Variants in FAM81A observed in about 807,000 individuals in gnomAD.
FAM81A encodes family with sequence similarity 81 member A, also known as protein FAM81A.
A neutral mutation model predicts 46.7 loss-of-function variants in FAM81A; 19 were observed. The ratio of observed to expected loss-of-function variants is 0.41; its 90% CI spans 0.28 to 0.60. FAM81A has a LOEUF of 0.60. Ranked by LOEUF, FAM81A falls within the 20% of genes least tolerant of loss-of-function variation. The pLI is 0.34. For missense variants in FAM81A, 377 were observed against 453.5 expected (o/e 0.83, Z 1.53); for synonymous variants, 183 against 152.9 (o/e 1.20, Z -1.45).
chr15:59,465,046 C>G (rs543638963), intron 3 of FAM81A, among the ~76,000 whole-genome samples: 1 of 152,244 alleles, frequency 6.6e-6, no homozygotes, highest in East Asian at 1.9e-4. Flanking sequence ...GTCCAGCTTT[C>G]CCAGCACCAT....
At chr15:59,427,979 C>T (rs1418887886) in intron 2 of FAM81A, among the ~76,000 whole-genome samples, 2 of 152,192 alleles carry the variant, frequency 1.3e-5, no homozygotes, top group South Asian at 2.1e-4. Flanking sequence ...GAAGAACTTC[C>T]AAACTGTTCT....
chr15:59,422,262 C>T (rs1567039342), intron 2 of FAM81A, among the ~76,000 whole-genome samples: 2 of 151,994 alleles, frequency 1.3e-5, no homozygotes, highest in Non-Finnish European at 2.9e-5. Context: ...GTGACACATG[C>T]TTGTAGTACC....
At chr15:59,467,077 A>G (rs1483634558) in intron 3 of FAM81A, among the ~76,000 whole-genome samples, 1 of 152,076 alleles carries the variant, frequency 6.6e-6, no homozygotes, top group Non-Finnish European at 1.5e-5. Context: ...TGTCTGTTTT[A>G]GTACCAGTAC....
At chr15:59,465,316 A>G (rs772768825) in intron 3 of FAM81A, among the ~76,000 whole-genome samples, 2 of 152,172 alleles carry the variant, frequency 1.3e-5, no homozygotes, top group African/African-American at 2.4e-5. Context: ...TCTTTTGCCC[A>G]GGCTAGAGTG....
intron 2 of FAM81A, among the ~76,000 whole-genome samples, chr15:59,411,954 C>T (rs1567036784): frequency 6.6e-6 from 1 of 151,292 alleles, no homozygotes; most frequent in Non-Finnish European, 1.5e-5. Flanking sequence ...GGGGTGGAAC[C>T]TGCTGCAGCC....
At chr15:59,519,526 T>C in intron 8 of FAM81A, among the ~76,000 whole-genome samples, 1 of 150,156 alleles carries the variant, frequency 6.7e-6, no homozygotes, top group Non-Finnish European at 1.5e-5. Context: ...TTCTTTCCTT[T>C]CTTTCTCTTT....
intron 8 of FAM81A, 145 bp from the exon 9 acceptor site, chr15:59,521,109 C>T: frequency 1.2e-6 from 1 of 866,420 alleles, no homozygotes; most frequent in Non-Finnish European, 1.7e-6. Context: ...TAGAAACTCA[C>T]CTGTTCCCCA....
chr15:59,453,599 G>T (rs545056707), intron 1 of FAM81A, among the ~76,000 whole-genome samples: 1 of 152,170 alleles, frequency 6.6e-6, no homozygotes, highest in Admixed American at 6.5e-5. Flanking sequence ...AAAATATGTT[G>T]GACTGTAGCT....
chr15:59,429,415 C>T (rs2141562405), intron 2 of FAM81A, among the ~76,000 whole-genome samples: 1 of 152,192 alleles, frequency 6.6e-6, no homozygotes, highest in East Asian at 1.9e-4. Context: ...ATTGGTCATC[C>T]TGTCCTTCTG....
chr15:59,465,425 A>C (rs1415919059), intron 3 of FAM81A, among the ~76,000 whole-genome samples: 1 of 152,138 alleles, frequency 6.6e-6, no homozygotes, highest in South Asian at 2.1e-4. Context: ...GGCACATGTC[A>C]TCATGCCAGG....
At chr15:59,435,829 C>T (rs1466425951), upstream of FAM81A, among the ~76,000 whole-genome samples, 3 of 152,134 alleles carry the variant, frequency 2.0e-5, no homozygotes, top group African/African-American at 7.2e-5. Flanking sequence ...AAGAAAATCT[C>T]CATCTCCTGT....
intron 2 of FAM81A, chr15:59,409,039 A>G (rs1191178259): frequency 6.6e-6 from 1 of 152,214 alleles, no homozygotes; most frequent in East Asian, 1.9e-4. Context: ...ATAAAATTTT[A>G]AAAATTAAAA....
chr15:59,508,586 G>A (rs942988133), intron 5 of FAM81A, among the ~76,000 whole-genome samples: 14 of 152,158 alleles, frequency 9.2e-5, no homozygotes, highest in African/African-American at 2.7e-4. Context: ...TAGAAGTTGC[G>A]GTCTTGGGTA....
At chr15:59,463,977 C>G (rs1949284186) in intron 3 of FAM81A, among the ~76,000 whole-genome samples, 2 of 152,262 alleles carry the variant, frequency 1.3e-5, no homozygotes, top group South Asian at 4.1e-4. Flanking sequence ...CTTCCCCCTA[C>G]CCATCCCATC....
Position 59,460,600 on chromosome 15 carries a change from G to A in FAM81A, c.294+394G>A. 1 of 340,368 alleles carries A rather than the reference G, an allele frequency of 2.9e-6. No individual in the cohort carries two copies. Among genetic ancestry groups the A allele is most frequent in the Non-Finnish European group, 5.7e-6 (1 of 175,858 alleles). 21.1% of individuals were successfully genotyped at this position (340,368 alleles called of 1,614,324 possible). ...GTTGCTTCAGATTAAATGTTTCTAG[G>A]TCATAATGATTATATGTAATACAGT... On this transcript the variant is annotated intron_variant, in intron 3 of 8. Coordinates refer to ENST00000288228, the MANE Select transcript of FAM81A (RefSeq NM_152450.3). The surrounding 1 kb of genome is among the most constrained non-coding windows in gnomAD (Gnocchi z 4.4).
At chr15:59,462,202 CAAAA>C (rs58692315) in intron 3 of FAM81A, among the ~76,000 whole-genome samples, 1 of 67,572 alleles carries the variant, frequency 1.5e-5, no homozygotes. Context: ...GACTGCATCT[CAAAA>C]AAAAAAAAAA....
intron 8 of FAM81A, among the ~76,000 whole-genome samples, chr15:59,519,462 CCCTCCCTCCTTTCCTTCCTT>C (rs1436209867): frequency 6.8e-6 from 1 of 146,532 alleles, no homozygotes; most frequent in Non-Finnish European, 1.5e-5. Flanking sequence ...CTCCCTCCCT[CCCTCCCTCCTTTCCTTCCTT>C]CCTTCCTTCC....
chr15:59,480,427 A>G (rs893293699), intron 3 of FAM81A, among the ~76,000 whole-genome samples: 1 of 152,140 alleles, frequency 6.6e-6, no homozygotes, highest in Non-Finnish European at 1.5e-5. Context: ...AAACTGCATT[A>G]TACAGCACAT....
intron 5 of FAM81A, 53 bp from the exon 6 acceptor site, chr15:59,508,810 G>A (rs1445150944): frequency 7.5e-7 from 1 of 1,333,486 alleles, no homozygotes; most frequent in African/African-American, 1.5e-5. Context: ...GTTTTCTGAA[G>A]TTGCATCTGA....
Sources: allele counts gnomAD v4.1 joint callset (sites outside exome capture counted in the v4.1 genomes callset), GRCh38; gene constraint gnomAD v4.1.1; non-coding constraint Gnocchi (gnomAD v3.1); transcripts MANE v1.5; gene names NCBI Gene and HGNC (gene_info 2026-07-23, HGNC 2026-07-21).